HTR7: variants seen among roughly 807,000 people sequenced by gnomAD.
The protein encoded by HTR7 is 5-hydroxytryptamine receptor 7, also known as 5-HT-7.
Under a neutral mutation model 34.0 loss-of-function variants are expected in HTR7, and 16 were observed. The observed-to-expected ratio is 0.47, with a 90% CI of 0.32 to 0.71. The LOEUF (loss-of-function observed/expected upper bound fraction) is 0.71, where lower values mean the gene tolerates loss of function less well. Among genes scored for constraint, HTR7 ranks in the 30% least tolerant of loss-of-function variants. The pLI, the probability that HTR7 is intolerant of heterozygous loss-of-function variation, is 0.04. For synonymous variants in HTR7, 265 were observed against 260.2 expected (o/e 1.02, Z -0.18); for missense variants, 504 against 625.5 (o/e 0.81, Z 2.07).
chr10:90,857,447 G>T lies in HTR7; in HGVS notation c.225C>A (p.Asn75Lys), dbSNP rs144163903. The T allele has an allele frequency of 1.9e-6, 3 of 1,613,892 alleles. No individual in the cohort carries two copies. In the African/African-American group the frequency reaches 4.0e-5, roughly 22 times the overall value. Residue 75 changes from asparagine to lysine, a missense_variant, in exon 1 of 4, where the codon AAC becomes AAA. By Grantham distance (94) the Asn-to-Lys change is moderately conservative. This residue lies in a region of HTR7 where 139 missense variants were observed against 117.1 expected (regional missense o/e 1.19). Transcript: ENST00000336152. This position sits in a 1 kb window ranked among gnomAD's most constrained non-coding sequence, Gnocchi z 6.5. ...DNASGCGEQI[N>K]YGRVEKVVIG... ...TCACAACTTTCTCGACTCTGCCGTA[G>T]TTGATCTGTTCCCCACAGCCGGAGG...
rs1007260448 is a variant in HTR7, at chr10:90,857,030, G to A, written c.539+103C>T. The A allele has an allele frequency of 8.1e-6, 9 of 1,108,600 alleles. No individual in the cohort carries two copies. Among genetic ancestry groups the A allele is most frequent in the Non-Finnish European group, 6.4e-6 (5 of 786,748 alleles). The allele number at this position is 1,108,600 out of a possible 1,614,324, so 68.7% of individuals were successfully genotyped here. On this transcript the variant is annotated intron_variant, in intron 1 of 3. Transcript: ENST00000336152. This position sits in a 1 kb window ranked among gnomAD's most constrained non-coding sequence, Gnocchi z 6.5. ...TGTTTTAAGCGCAGCCCTTCATCCC[G>A]CCTTGAAGTCTAGCTTGATCCTCCC...
At chr10:90,820,094 G>A (rs1444673850) in intron 1 of HTR7, among the ~76,000 whole-genome samples, 1 of 152,120 alleles carries the variant, frequency 6.6e-6, no homozygotes. Context: ...TGCATTCTGG[G>A]GAAGCACAGA....
At chr10:90,791,856 T>G (rs1046978332) in intron 1 of HTR7, among the ~76,000 whole-genome samples, 1 of 152,146 alleles carries the variant, frequency 6.6e-6, no homozygotes, top group African/African-American at 2.4e-5. Flanking sequence ...TCCTCAAGTA[T>G]GAAATATCTA....
At chr10:90,856,591 C>T (rs555811832) in intron 1 of HTR7, among the ~76,000 whole-genome samples, 1 of 152,282 alleles carries the variant, frequency 6.6e-6, no homozygotes, top group Non-Finnish European at 1.5e-5. Flanking sequence ...ACATTGAAAC[C>T]AGACTTCCAC....
rs117941729 is a variant in HTR7, at chr10:90,827,343, T to C, written c.539+29790A>G. On this transcript the variant is annotated intron_variant, in intron 1 of 3. Transcript: ENST00000336152. The stretch of plus-strand genomic sequence containing the variant: ...GGAGGATTGCTAGAGCACAGGAATT[T>C]GAGACCAGCCTGGGCAACAAAGTGA... Among the ~76,000 whole-genome samples the C allele has an allele frequency of 4.9e-3, 748 of 152,190 alleles. 2 individuals are homozygous for C. The highest frequency in any genetic ancestry group is 7.2e-3 in the Non-Finnish European group (491 of 67,998).
At chr10:90,835,743 G>A (rs532215998) in intron 1 of HTR7, among the ~76,000 whole-genome samples, 2 of 152,314 alleles carry the variant, frequency 1.3e-5, no homozygotes, top group Admixed American at 6.5e-5. Flanking sequence ...TCAGCATGAT[G>A]AGAGTAGAGA....
At chr10:90,801,039 T>C (rs1845617678) in intron 1 of HTR7, among the ~76,000 whole-genome samples, 1 of 152,188 alleles carries the variant, frequency 6.6e-6, no homozygotes, top group Non-Finnish European at 1.5e-5. Flanking sequence ...GCTGCTCTCT[T>C]CTCCTGAGGT....
intron 1 of HTR7, among the ~76,000 whole-genome samples, chr10:90,832,042 A>G (rs1332113804): frequency 6.6e-6 from 1 of 152,172 alleles, no homozygotes; most frequent in African/African-American, 2.4e-5. Context: ...TGATTGGTGT[A>G]TTTACAATCC....
Position 90,857,861 on chromosome 10 carries a change from C to T in HTR7, c.-190G>A, listed in dbSNP as rs1846621470. 1.3e-5 allele frequency among the ~76,000 whole-genome samples: 2 copies of T among 151,506 alleles called. No individual in the cohort carries two copies. Among genetic ancestry groups the T allele is most frequent in the Non-Finnish European group, 3.0e-5 (2 of 67,778 alleles). ...CCGGACCCCCGGCCGCTGCGGGTAA[C>T]GCGGCAGCGCGGCCTCACGGGGACT... On this transcript the variant is annotated 5_prime_UTR_variant, in exon 1 of 4. Coordinates refer to ENST00000336152, the MANE Select transcript of HTR7 (RefSeq NM_019859.4). This position sits in a 1 kb window ranked among gnomAD's most constrained non-coding sequence, Gnocchi z 6.5.
chr10:90,758,129 C>T (rs984109842), intron 1 of HTR7, among the ~76,000 whole-genome samples: 7 of 151,792 alleles, frequency 4.6e-5, no homozygotes, highest in South Asian at 2.1e-4. Context: ...GGGCGGATCA[C>T]GAGGTTAGGA....
intron 1 of HTR7, among the ~76,000 whole-genome samples, chr10:90,763,556 A>C (rs1844972236): frequency 6.6e-6 from 1 of 152,078 alleles, no homozygotes; most frequent in Non-Finnish European, 1.5e-5. Flanking sequence ...CTATCAACCC[A>C]TCATCTAGGT....
At chr10:90,813,529 A>AC (rs1845851645) in intron 1 of HTR7, among the ~76,000 whole-genome samples, 1 of 152,032 alleles carries the variant, frequency 6.6e-6, no homozygotes, top group African/African-American at 2.4e-5. Flanking sequence ...GTCAAAAAAA[A>AC]AAAAAAGAAA....
chr10:90,843,874 A>C lies in HTR7; in HGVS notation c.539+13259T>G, dbSNP rs554212511. On this transcript the variant is annotated intron_variant, in intron 1 of 3. Transcript: ENST00000336152. ...TGGTCTTTGTATTTTTAAGTAGTTG[A>C]AAAAAATCAAAGAGAAGAATGCTAT... Among the ~76,000 whole-genome samples the C allele has an allele frequency of 3.9e-5, 6 of 152,332 alleles. No individual in the cohort carries two copies. In the South Asian group the frequency reaches 8.3e-4, roughly 21 times the overall value.
At chr10:90,821,710 T>C (rs1007575417) in intron 1 of HTR7, among the ~76,000 whole-genome samples, 2 of 152,188 alleles carry the variant, frequency 1.3e-5, no homozygotes, top group Non-Finnish European at 2.9e-5. Flanking sequence ...CCAAATCTCA[T>C]GTTGAATTGT....
At chr10:90,810,681 C>T (rs1035161058) in intron 1 of HTR7, among the ~76,000 whole-genome samples, 1 of 152,186 alleles carries the variant, frequency 6.6e-6, no homozygotes, top group Admixed American at 6.5e-5. Flanking sequence ...CTCAAACACG[C>T]TTTCTTTACT....
At chr10:90,844,973 A>G (rs1302908453) in intron 1 of HTR7, among the ~76,000 whole-genome samples, 1 of 152,034 alleles carries the variant, frequency 6.6e-6, no homozygotes, top group Non-Finnish European at 1.5e-5. Flanking sequence ...GGGGCCAAGG[A>G]TGAAGACCCA....
At chr10:90,743,293 G>C (rs1844583321) in intron 3 of HTR7, among the ~76,000 whole-genome samples, 1 of 152,174 alleles carries the variant, frequency 6.6e-6, no homozygotes, top group Non-Finnish European at 1.5e-5. Flanking sequence ...GTGATCAATA[G>C]ATGGATTTTG....
intron 1 of HTR7, among the ~76,000 whole-genome samples, chr10:90,799,227 C>T (rs548583965): frequency 2.0e-4 from 30 of 152,276 alleles, no homozygotes; most frequent in Non-Finnish European, 3.4e-4. Flanking sequence ...CTTTGACTCA[C>T]TGCTCCCCAC....
intron 1 of HTR7, among the ~76,000 whole-genome samples, chr10:90,793,701 G>A (rs1002491558): frequency 8.6e-5 from 13 of 151,976 alleles, no homozygotes; most frequent in Admixed American, 4.6e-4. Flanking sequence ...ATCACAAGGC[G>A]AAATCCCACA....
Sources: gnomAD v4.1 joint callset for allele counts (sites outside exome capture counted in the v4.1 genomes callset) on GRCh38, gnomAD v4.1.1 for gene constraint, gnomAD v4.1.1 regional missense constraint, Gnocchi (gnomAD v3.1) non-coding constraint, MANE v1.5 for transcripts, NCBI Gene and HGNC (gene_info 2026-07-23, HGNC 2026-07-21) for gene names.